SSH2: variants seen among roughly 807,000 people sequenced by gnomAD.
SSH2 encodes the protein protein phosphatase Slingshot homolog 2.
In SSH2, 37 loss-of-function variants were observed where a neutral mutation model predicts 135.2. That is an observed-to-expected ratio of 0.27 (90% CI 0.21 to 0.36). The LOEUF (loss-of-function observed/expected upper bound fraction) is 0.36. SSH2 is among the 10% of genes least tolerant of loss of function. The probability of loss-of-function intolerance (pLI) is 1.00; values close to 1 mark genes in which losing one functional copy is unlikely to be tolerated. For missense variants in SSH2, 1,408 were observed against 1,765.3 expected (o/e 0.80, Z 3.63); for synonymous variants, 628 against 646.2 (o/e 0.97, Z 0.43).
rs1027125440 is a variant in SSH2 at position 29,756,460 on chromosome 17, A to G, written c.188+37434T>C. Among the ~76,000 whole-genome samples, 45 of 150,748 alleles carry G rather than the reference A, an allele frequency of 3.0e-4. 1 individual carries two copies. In the East Asian group the frequency reaches 7.2e-3, roughly 24 times the overall value. On this transcript the variant is annotated intron_variant, in intron 3 of 15. Coordinates refer to ENST00000540801, the MANE Select transcript of SSH2 (RefSeq NM_001282129.2). ...TGCCTGCCTGCCTGCCTATCTGTCT[A>G]TCTATCCATCCACCCACCCACCCAC...
At chr17:29,873,654 G>A (rs1857201995) in intron 1 of SSH2, among the ~76,000 whole-genome samples, 2 of 152,164 alleles carry the variant, frequency 1.3e-5, no homozygotes, top group Non-Finnish European at 2.9e-5. Context: ...AGGTTGAGCT[G>A]TAGCATTATC....
chr17:29,749,442 A>G (rs2040861357), intron 3 of SSH2, among the ~76,000 whole-genome samples: 1 of 152,230 alleles, frequency 6.6e-6, no homozygotes, highest in African/African-American at 2.4e-5. Context: ...GCATGTTACT[A>G]TACTGAATAC....
intron 3 of SSH2, among the ~76,000 whole-genome samples, chr17:29,774,415 C>G (rs1051250663): frequency 6.6e-6 from 1 of 152,108 alleles, no homozygotes; most frequent in Non-Finnish European, 1.5e-5. Flanking sequence ...CAGGTATACA[C>G]CACCATGCCT....
intron 2 of SSH2, among the ~76,000 whole-genome samples, chr17:29,796,395 C>G (rs1258889195): frequency 2.0e-5 from 3 of 152,322 alleles, no homozygotes; most frequent in African/African-American, 7.2e-5. Context: ...GGCTGGAGTG[C>G]AGTGGCGCAA....
Position 29,655,625 on chromosome 17 carries a change from C to T in SSH2, c.1033-18G>A. On this transcript the variant is annotated intron_variant, in intron 11 of 15. Transcript: ENST00000540801. ...TCTGAGCCCTATGGAGCCAAAAAGA[C>T]AAGGTTAAGGAGTATTAGCAAATCA... 1 of 1,612,680 alleles carries T rather than the reference C, an allele frequency of 6.2e-7. No homozygotes were observed. Among genetic ancestry groups the T allele is most frequent in the East Asian group, 2.2e-5 (1 of 44,872 alleles).
At chr17:29,850,708 G>C (rs547403941) in intron 1 of SSH2, among the ~76,000 whole-genome samples, 128 of 152,236 alleles carry the variant, frequency 8.4e-4, no homozygotes, top group Non-Finnish European at 1.5e-3. Flanking sequence ...ATTGTTGCCC[G>C]AGCGTGGTGG....
chr17:29,771,834 C>T (rs1255994139), intron 3 of SSH2, among the ~76,000 whole-genome samples: 3 of 152,156 alleles, frequency 2.0e-5, no homozygotes, highest in Non-Finnish European at 4.4e-5. Flanking sequence ...TCTAAGCCTT[C>T]GTGTATCAAC....
intron 6 of SSH2, 43 bp downstream of exon 6, chr17:29,684,520 A>T (rs1032497342): frequency 6.5e-7 from 1 of 1,536,658 alleles, no homozygotes; most frequent in Non-Finnish European, 8.8e-7. Context: ...GGAACAGGTT[A>T]CTTAAAAAGC....
chr17:29,842,328 C>A (rs921665400), intron 2 of SSH2, among the ~76,000 whole-genome samples: 7 of 151,852 alleles, frequency 4.6e-5, no homozygotes, highest in African/African-American at 1.7e-4. Context: ...ATGGCAGGCA[C>A]CTATAATCCC....
intron 2 of SSH2, among the ~76,000 whole-genome samples, chr17:29,832,290 C>A (rs1011829639): frequency 2.6e-5 from 4 of 152,092 alleles, no homozygotes; most frequent in Non-Finnish European, 4.4e-5. Flanking sequence ...ATCACCATAC[C>A]CAGCTAATTT....
At chr17:29,725,367 A>AAAAAAAAAAC (rs2039967893) in intron 3 of SSH2, among the ~76,000 whole-genome samples, 2 of 151,206 alleles carry the variant, frequency 1.3e-5, no homozygotes, top group African/African-American at 2.4e-5. Context: ...AAAAAAAAAA[A>AAAAAAAAAAC]AAGCCAGGGA....
In SSH2 at chr17:29,635,997, C is replaced by A; in HGVS notation, c.2233G>T (p.Glu745Ter). ...SLSNTPHASE[E>*]SSMDEEQSKA... ...GACTGTTCCTCATCCATTGAAGATT[C>A]TTCTGATGCATGGGGAGTATTACTC... Residue 745 changes from glutamate (E) to a stop codon, truncating the protein, a stop_gained, in exon 15 of 16, where the codon GAA becomes TAA. Coordinates refer to ENST00000540801, the MANE Select transcript of SSH2 (RefSeq NM_001282129.2). LOFTEE classifies it high-confidence loss of function. The A allele has an allele frequency of 6.2e-7, 1 of 1,613,560 alleles. No homozygotes were observed. Among genetic ancestry groups the A allele is most frequent in the Non-Finnish European group, 8.5e-7 (1 of 1,179,534 alleles).
At chr17:29,902,070 A>G (rs765084256) in intron 1 of SSH2, among the ~76,000 whole-genome samples, 4 of 152,144 alleles carry the variant, frequency 2.6e-5, no homozygotes, top group Non-Finnish European at 4.4e-5. Context: ...TACAGGCATA[A>G]ACCACCCTGT....
intron 1 of SSH2, among the ~76,000 whole-genome samples, chr17:29,907,478 G>A (rs1223734726): frequency 6.6e-6 from 1 of 152,094 alleles, no homozygotes; most frequent in African/African-American, 2.4e-5. Flanking sequence ...TAACAAACCT[G>A]CACATTCCTG....
At chr17:29,881,098 T>A (rs959624347) in intron 1 of SSH2, among the ~76,000 whole-genome samples, 1 of 152,242 alleles carries the variant, frequency 6.6e-6, no homozygotes, top group Non-Finnish European at 1.5e-5. Flanking sequence ...GAGTAGTATC[T>A]GTGTGCTCCT....
intron 3 of SSH2, among the ~76,000 whole-genome samples, chr17:29,752,355 A>G (rs1332030010): frequency 6.6e-6 from 1 of 152,220 alleles, no homozygotes. Flanking sequence ...AGAACTTAAG[A>G]GTACAGAAGT....
chr17:29,825,542 A>ATGATGG (rs942202243), intron 2 of SSH2, among the ~76,000 whole-genome samples: 9 of 152,210 alleles, frequency 5.9e-5, no homozygotes, highest in African/African-American at 2.2e-4. Context: ...ATGCCCACAG[A>ATGATGG]GCTCACTGCT....
chr17:29,924,636 G>T (rs150638116), intron 1 of SSH2, among the ~76,000 whole-genome samples: 178 of 151,874 alleles, frequency 1.2e-3, no homozygotes, highest in African/African-American at 4.2e-3. Flanking sequence ...GGTACTTGTG[G>T]GTTTTTTTTT....
At chr17:29,754,500 A>G (rs1362500504) in intron 3 of SSH2, among the ~76,000 whole-genome samples, 1 of 152,202 alleles carries the variant, frequency 6.6e-6, no homozygotes, top group Non-Finnish European at 1.5e-5. Context: ...GCTTCTAGGA[A>G]GTCAAGTTCA....
Sources: gnomAD v4.1 joint callset for allele counts (sites outside exome capture counted in the v4.1 genomes callset) on GRCh38, gnomAD v4.1.1 for gene constraint, MANE v1.5 for transcripts, NCBI Gene and HGNC (gene_info 2026-07-23, HGNC 2026-07-21) for gene names.